Variants in NTM observed in about 807,000 individuals in gnomAD.
The protein encoded by NTM is IgLON family member 2.
Under a neutral mutation model 42.1 loss-of-function variants are expected in NTM, and 13 were observed. The observed-to-expected ratio is 0.31, with a 90% CI of 0.20 to 0.49. The LOEUF (loss-of-function observed/expected upper bound fraction) is 0.49, where lower values mean the gene tolerates loss of function less well. Among genes scored for constraint, NTM ranks in the 20% least tolerant of loss-of-function variants. The probability of loss-of-function intolerance (pLI) is 0.99; values close to 1 mark genes in which losing one functional copy is unlikely to be tolerated. For synonymous variants in NTM, 187 were observed against 179.2 expected (o/e 1.04, Z -0.35); for missense variants, 373 against 452.8 (o/e 0.82, Z 1.60).
At chr11:131,668,660 G>A (rs1192949215) in intron 1 of NTM, among the ~76,000 whole-genome samples, 1 of 152,092 alleles carries the variant, frequency 6.6e-6, no homozygotes, top group Admixed American at 6.5e-5. Context: ...ATTAAATTAA[G>A]GAACACAATT....
At chr11:131,931,395 C>T (rs114475188) in intron 2 of NTM, among the ~76,000 whole-genome samples, 1,724 of 151,652 alleles carry the variant, frequency 0.011, 26 homozygotes, top group African/African-American at 0.039. Context: ...ACCGAGATGG[C>T]GCCACTGCAG....
At chr11:131,647,866 T>C (rs372816762) in intron 1 of NTM, among the ~76,000 whole-genome samples, 6 of 152,312 alleles carry the variant, frequency 3.9e-5, no homozygotes, top group African/African-American at 1.4e-4. Flanking sequence ...TGTTAACTTT[T>C]GTTTTGGGTT....
At position 132,330,177 on chromosome 11, in the gene NTM, C is replaced by T; in HGVS notation, c.959C>T (p.Pro320Leu). 1 of 1,551,704 alleles carries T rather than the reference C, an allele frequency of 6.4e-7. No individual in the cohort carries two copies. The highest frequency in any genetic ancestry group is 8.7e-7 in the Non-Finnish European group (1 of 1,146,942). ...GAAGTGAAAACTACAGCCCTGACCCCTTGGAAAGGTTTGTATATTTTTCAG... is the reference window on the plus strand; with the variant it reads ...GAAGTGAAAACTACAGCCCTGACCCTTTGGAAAGGTTTGTATATTTTTCAG... Reference protein sequence around the residue: ...LFEVKTTALTPWKGPGAVSEV... With the variant: ...LFEVKTTALTLWKGPGAVSEV... Residue 320 changes from proline (P) to leucine (L), a missense_variant, in exon 8 of 9, where the codon CCT becomes CTT. Pro to Leu is a moderately conservative substitution (Grantham distance 98, BLOSUM62 -3). This residue lies in a region of NTM where 312 missense variants were observed against 353.5 expected (regional missense o/e 0.88). Transcript: ENST00000683400.
At chr11:132,038,074 T>C (rs565217168) in intron 2 of NTM, among the ~76,000 whole-genome samples, 1 of 152,378 alleles carries the variant, frequency 6.6e-6, no homozygotes, top group South Asian at 2.1e-4. Context: ...TTTCACCTGC[T>C]TGAAAGATGT....
At chr11:131,374,235 A>C (rs767903003) in intron 1 of NTM, among the ~76,000 whole-genome samples, 1 of 152,204 alleles carries the variant, frequency 6.6e-6, no homozygotes, top group Non-Finnish European at 1.5e-5. Flanking sequence ...GTTCCTGGCA[A>C]GGCGTGCACA....
At chr11:131,813,907 A>G (rs1286876283) in intron 1 of NTM, among the ~76,000 whole-genome samples, 1 of 152,106 alleles carries the variant, frequency 6.6e-6, no homozygotes, top group Non-Finnish European at 1.5e-5. Context: ...CTCATTCGTA[A>G]CAGTGCCTAC....
intron 2 of NTM, among the ~76,000 whole-genome samples, chr11:131,937,504 A>G (rs2059353941): frequency 6.6e-6 from 1 of 152,202 alleles, no homozygotes; most frequent in Admixed American, 6.5e-5. Context: ...CCTTCTCATT[A>G]CTGCAAAAGT....
At chr11:131,555,749 G>C (rs1438475510) in intron 1 of NTM, among the ~76,000 whole-genome samples, 1 of 152,090 alleles carries the variant, frequency 6.6e-6, no homozygotes, top group Non-Finnish European at 1.5e-5. Context: ...CCCTTTCTTT[G>C]CCAGCATTGT....
chr11:132,297,252 A>AC (rs1208636019), intron 4 of NTM, among the ~76,000 whole-genome samples: 3 of 152,004 alleles, frequency 2.0e-5, no homozygotes, highest in African/African-American at 7.3e-5. Flanking sequence ...TATAGATTTG[A>AC]CCCCACCCCA....
At chr11:132,304,520 AT>A (rs2095001634) in intron 4 of NTM, among the ~76,000 whole-genome samples, 1 of 151,936 alleles carries the variant, frequency 6.6e-6, no homozygotes. Context: ...CTTTTCGTTG[AT>A]TTATTAACTC....
chr11:131,509,902 A>T (rs922525830), intron 1 of NTM, among the ~76,000 whole-genome samples: 2 of 152,192 alleles, frequency 1.3e-5, no homozygotes, highest in African/African-American at 4.8e-5. Flanking sequence ...GCCAATTTTC[A>T]TGATATAAAG....
At chr11:131,545,786 C>T (rs1045129761) in intron 1 of NTM, among the ~76,000 whole-genome samples, 55 of 151,998 alleles carry the variant, frequency 3.6e-4, no homozygotes, top group African/African-American at 1.2e-3. Context: ...TTGAAGGTGT[C>T]GTCAAGTAGA....
intron 1 of NTM, among the ~76,000 whole-genome samples, chr11:131,827,142 A>C (rs879231272): frequency 6.6e-6 from 1 of 152,158 alleles, no homozygotes; most frequent in Admixed American, 6.5e-5. Context: ...ATTACCCTAA[A>C]GTCTATTTGG....
intron 2 of NTM, among the ~76,000 whole-genome samples, chr11:131,916,977 C>T (rs1055063268): frequency 6.6e-6 from 1 of 152,198 alleles, no homozygotes; most frequent in South Asian, 2.1e-4. Flanking sequence ...CTCCCTGATG[C>T]CTTTCCTGAT....
intron 1 of NTM, among the ~76,000 whole-genome samples, chr11:131,892,705 G>A (rs2051559747): frequency 6.6e-6 from 1 of 152,236 alleles, no homozygotes; most frequent in African/African-American, 2.4e-5. Flanking sequence ...CTCCTGTCAA[G>A]GAGCAGGTGA....
At chr11:132,310,056 C>CAAAAA in intron 5 of NTM, 56 bp from the exon 6 acceptor site, 37 of 1,316,868 alleles carry the variant, frequency 2.8e-5, no homozygotes, top group South Asian at 1.8e-4. Flanking sequence ...GACTCCATCT[C>CAAAAA]AAAAAAAAAA....
intron 1 of NTM, among the ~76,000 whole-genome samples, chr11:131,413,339 C>G (rs1338090324): frequency 2.0e-5 from 3 of 152,214 alleles, no homozygotes; most frequent in Non-Finnish European, 4.4e-5. Context: ...CAGTAATAAA[C>G]AGGAGCGTGC....
At chr11:131,414,099 G>A (rs796936496) in intron 1 of NTM, among the ~76,000 whole-genome samples, 19 of 152,210 alleles carry the variant, frequency 1.2e-4, no homozygotes, top group African/African-American at 4.3e-4. Flanking sequence ...CACCAGTGTC[G>A]CTCCTGAACT....
chr11:131,670,359 C>T (rs1214574215), intron 1 of NTM, among the ~76,000 whole-genome samples: 1 of 151,758 alleles, frequency 6.6e-6, no homozygotes, highest in Non-Finnish European at 1.5e-5. Context: ...CTCTCTCTTA[C>T]TTTCTTCCTT....
Sources: allele counts gnomAD v4.1 joint callset (sites outside exome capture counted in the v4.1 genomes callset), GRCh38; gene constraint gnomAD v4.1.1; regional missense constraint gnomAD v4.1.1; transcripts MANE v1.5; gene names NCBI Gene and HGNC (gene_info 2026-07-23, HGNC 2026-07-21).